Variants in DCBLD1 observed in about 807,000 individuals in gnomAD.
DCBLD1 encodes the protein discoidin, CUB and LCCL domain-containing protein 1.
In DCBLD1, 57 loss-of-function variants were observed where a neutral mutation model predicts 71.5. The observed-to-expected ratio is 0.80, with a 90% CI of 0.64 to 0.99. DCBLD1 has a LOEUF of 0.99. DCBLD1 is among the 50% of genes least tolerant of loss of function. The probability of loss-of-function intolerance (pLI) is 0.00; values close to 1 mark genes in which losing one functional copy is unlikely to be tolerated. For synonymous variants in DCBLD1, 380 were observed against 363.8 expected (o/e 1.04, Z -0.51); for missense variants, 891 against 923.5 (o/e 0.96, Z 0.46).
At chr6:117,545,732 C>T (rs1779247318) in intron 14 of DCBLD1, 135 bp downstream of exon 14, 2 of 1,284,640 alleles carry the variant, frequency 1.6e-6, no homozygotes, top group Non-Finnish European at 2.1e-6. Flanking sequence ...GTTTTTTCTG[C>T]ATTCTGCACA....
At chr6:117,485,652 A>G (rs917285275) in intron 1 of DCBLD1, among the ~76,000 whole-genome samples, 4 of 152,198 alleles carry the variant, frequency 2.6e-5, no homozygotes, top group African/African-American at 9.7e-5. Flanking sequence ...GTATCTGACA[A>G]AGGTGCTCAG....
chr6:117,552,978 C>T (rs1779451029), downstream of DCBLD1, among the ~76,000 whole-genome samples: 1 of 152,258 alleles, frequency 6.6e-6, no homozygotes, highest in Non-Finnish European at 1.5e-5. Flanking sequence ...AGCATTTTCA[C>T]TCCATTTTCT....
downstream of DCBLD1, among the ~76,000 whole-genome samples, chr6:117,552,012 G>A (rs533710624): frequency 8.5e-5 from 13 of 152,238 alleles, no homozygotes; most frequent in Middle Eastern, 3.4e-3. Flanking sequence ...TGTAGTCCTA[G>A]TTACTGGGGA....
At chr6:117,497,204 A>T (rs912235528) in intron 1 of DCBLD1, among the ~76,000 whole-genome samples, 28 of 152,304 alleles carry the variant, frequency 1.8e-4, no homozygotes, top group African/African-American at 4.6e-4. Context: ...AAAAAAATTT[A>T]AAAAAAGTAT....
intron 3 of DCBLD1, among the ~76,000 whole-genome samples, chr6:117,520,805 G>A (rs748599800): frequency 3.3e-5 from 5 of 152,140 alleles, no homozygotes; most frequent in Non-Finnish European, 7.4e-5. Context: ...AGTGAGGTGC[G>A]CCATTCATTT....
intron 9 of DCBLD1, 87 bp downstream of exon 9, chr6:117,539,466 A>G (rs1287951240): frequency 7.1e-7 from 1 of 1,402,872 alleles, no homozygotes. Flanking sequence ...TAAATATCTC[A>G]TTAATAAAAG....
chr6:117,504,465 C>T (rs918422832), intron 2 of DCBLD1, among the ~76,000 whole-genome samples: 5 of 152,110 alleles, frequency 3.3e-5, no homozygotes, highest in Admixed American at 2.0e-4. Flanking sequence ...ATAATGAAAA[C>T]GAAGGCATCC....
chr6:117,548,080 GA>G lies in DCBLD1; in HGVS notation c.1790del (p.Glu597GlyfsTer46). On this transcript the variant is annotated frameshift_variant, in exon 15 of 15. Transcript: ENST00000338728. LOFTEE classifies it low-confidence loss of function (END_TRUNC). Reference protein sequence around the residue: ...HEYALPLAPPEPEYATPIVER... With the variant: ...HEYALPLAPPXPEYATPIVER... Reference sequence around the variant, plus strand: ...GTACGCGCTGCCCCTGGCGCCCCCGGAGCCCGAGTACGCCACGCCCATCGTG... The same window carrying G: ...GTACGCGCTGCCCCTGGCGCCCCCGGGCCCGAGTACGCCACGCCCATCGTG... 1 of 1,549,098 alleles carries G rather than the reference GA, an allele frequency of 6.5e-7. No homozygotes were observed. Among genetic ancestry groups the G allele is most frequent in the Non-Finnish European group, 8.7e-7 (1 of 1,146,134 alleles).
rs548137311 is a variant in DCBLD1, at chr6:117,565,069, A to G, written c.1616-4551A>G. 2.0e-5 allele frequency among the ~76,000 whole-genome samples: 3 copies of G among 152,344 alleles called. No homozygotes were observed. In the East Asian group the frequency reaches 5.8e-4, roughly 29 times the overall value. ...TCCCATATTAGTAGGTAAAATTGAA[A>G]AATCTAAAAAAAAATTCATTTCTTT... On this transcript the variant is annotated intron_variant, in intron 14 of 14. Transcript: ENST00000296955.
chr6:117,521,611 G>T, intron 4 of DCBLD1, 35 bp downstream of exon 4: 1 of 1,525,098 alleles, frequency 6.6e-7, no homozygotes. Context: ...TTGCAGTCGT[G>T]TATTGCTGAA....
rs556475527 is a variant in DCBLD1 at position 117,538,593 on chromosome 6, A to C, written c.761-27A>C. 278 of 1,608,956 alleles carry C rather than the reference A, an allele frequency of 1.7e-4. 1 individual carries two copies. In the South Asian group the frequency reaches 2.8e-3, roughly 16 times the overall value. ...TGCTGTTATTTTATGTCTGTATCTA[A>C]AATATCTTACTGCACTCTTTTTTCA... On this transcript the variant is annotated intron_variant, in intron 7 of 14. Coordinates refer to ENST00000338728, the MANE Select transcript of DCBLD1 (RefSeq NM_001366458.2).
intron 1 of DCBLD1, among the ~76,000 whole-genome samples, chr6:117,491,228 C>A (rs1777281767): frequency 1.3e-5 from 2 of 152,162 alleles, no homozygotes; most frequent in South Asian, 4.1e-4. Flanking sequence ...CATGGGACCA[C>A]TGGAACATGA....
At chr6:117,499,601 G>T (rs1366579942) in intron 1 of DCBLD1, among the ~76,000 whole-genome samples, 1 of 152,010 alleles carries the variant, frequency 6.6e-6, no homozygotes, top group African/African-American at 2.4e-5. Context: ...GCAATTGGAA[G>T]AACTAATACA....
At chr6:117,484,204 G>A (rs1244700538) in intron 1 of DCBLD1, among the ~76,000 whole-genome samples, 1 of 152,094 alleles carries the variant, frequency 6.6e-6, no homozygotes, top group Non-Finnish European at 1.5e-5. Flanking sequence ...GTATGTTCCT[G>A]TACTAATCTG....
downstream of DCBLD1, among the ~76,000 whole-genome samples, chr6:117,550,005 G>T (rs748990025): frequency 2.0e-5 from 3 of 152,164 alleles, no homozygotes; most frequent in South Asian, 2.1e-4. Flanking sequence ...TGGTGTTGTC[G>T]TGCTTTCTTC....
chr6:117,569,429 G>A (rs1779761976), intron 14 of DCBLD1: 7 of 1,137,456 alleles, frequency 6.2e-6, no homozygotes, highest in Non-Finnish European at 8.4e-6. Context: ...CTGAATGTCA[G>A]CTATAAAAGC....
chr6:117,547,234 A>G (rs948997981), intron 14 of DCBLD1, among the ~76,000 whole-genome samples: 2 of 152,158 alleles, frequency 1.3e-5, no homozygotes, highest in Non-Finnish European at 2.9e-5. Context: ...ACGCGTGGCT[A>G]ACAGCATATA....
downstream of DCBLD1, among the ~76,000 whole-genome samples, chr6:117,552,481 A>G (rs545035887): frequency 2.6e-5 from 4 of 152,152 alleles, no homozygotes; most frequent in Admixed American, 1.3e-4. Context: ...CCAACAGACT[A>G]CTTCCACATC....
At chr6:117,499,972 C>T (rs548445396) in intron 1 of DCBLD1, among the ~76,000 whole-genome samples, 3 of 152,282 alleles carry the variant, frequency 2.0e-5, no homozygotes, top group Non-Finnish European at 2.9e-5. Context: ...GAGCTGAGAT[C>T]GCACCACTGC....
Sources: gnomAD v4.1 joint callset for allele counts (sites outside exome capture counted in the v4.1 genomes callset) on GRCh38, gnomAD v4.1.1 for gene constraint, MANE v1.5 for transcripts, NCBI Gene and HGNC (gene_info 2026-07-23, HGNC 2026-07-21) for gene names.